The following ARMC1 variants were observed in gnomAD, a reference collection of about 807,000 sequenced individuals.
ARMC1 encodes the protein armadillo repeat containing 1, also known as armadillo repeat-containing protein 1.
ARMC1 carries 16 observed loss-of-function variants against 31.4 expected under a neutral mutation model. That is an observed-to-expected ratio of 0.51 (90% CI 0.34 to 0.77). ARMC1 has a LOEUF of 0.77. ARMC1 is among the 30% of genes least tolerant of loss of function. The probability of loss-of-function intolerance (pLI) is 0.01; values close to 1 mark genes in which losing one functional copy is unlikely to be tolerated. For missense variants in ARMC1, 259 were observed against 347.5 expected, an observed-to-expected ratio of 0.75 and a Z score of 2.02; for synonymous variants, 114 against 118.9, an observed-to-expected ratio of 0.96 and a Z score of 0.27.
intron 4 of ARMC1, among the ~76,000 whole-genome samples, chr8:65,609,508 A>C (rs1336519322): frequency 6.6e-6 from 1 of 152,134 alleles, no homozygotes; most frequent in African/African-American, 2.4e-5. Flanking sequence ...CAATATGCAT[A>C]TGGAAGGCTT....
chr8:65,622,407 G>T lies in ARMC1; in HGVS notation c.184-53C>A, dbSNP rs73690886. 2,061 of 1,380,894 alleles carry T rather than the reference G, an allele frequency of 1.5e-3. 16 individuals are homozygous for T. The African/African-American group carries it at 0.024, about 16-fold the overall frequency. 85.5% of individuals were successfully genotyped at this position (1,380,894 alleles called of 1,614,324 possible). A position where few individuals can be genotyped will look rare whatever the true frequency, so the allele number is the denominator to read the frequency against. ...TCGTCTGTCCAGACTATTCAAAATT[G>T]AAACTACTACTAATTTACTGCAAGA... On this transcript the variant is annotated intron_variant, in intron 2 of 6. Transcript: ENST00000276569.
Position 65,605,829 on chromosome 8 carries a change from C to T in ARMC1, c.466-291G>A, listed in dbSNP as rs191338897. 3.9e-5 allele frequency among the ~76,000 whole-genome samples: 6 copies of T among 152,154 alleles called. No homozygotes were observed. In the East Asian group the frequency reaches 1.2e-3, roughly 29 times the overall value. On this transcript the variant is annotated intron_variant, in intron 4 of 6. Coordinates refer to ENST00000276569, the MANE Select transcript of ARMC1 (RefSeq NM_018120.6). ...ATGTTAATTTACATCTTAAATAAAGCAGAACACAACACAGGGGGAAAAAAT... is the reference window on the plus strand; with the variant it reads ...ATGTTAATTTACATCTTAAATAAAGTAGAACACAACACAGGGGGAAAAAAT...
chr8:65,617,002 G>A (rs1455417263), intron 3 of ARMC1, among the ~76,000 whole-genome samples: 22 of 150,670 alleles, frequency 1.5e-4, no homozygotes, highest in Admixed American at 9.3e-4. Context: ...GGAGGGAGGC[G>A]GGGGGCAGCC....
chr8:65,613,553 T>C, intron 3 of ARMC1, 120 bp from the exon 4 acceptor site: 1 of 582,242 alleles, frequency 1.7e-6, no homozygotes, highest in Non-Finnish European at 2.9e-6. Context: ...TTAAAAGCAA[T>C]AGCAGTGAAT....
intron 3 of ARMC1, 22 bp downstream of exon 3, chr8:65,622,241 A>T: frequency 6.4e-7 from 1 of 1,556,780 alleles, no homozygotes. Context: ...TAAATAAATG[A>T]GACACTGTCT....
chr8:65,608,128 T>C (rs1419959765), intron 4 of ARMC1, among the ~76,000 whole-genome samples: 1 of 152,216 alleles, frequency 6.6e-6, no homozygotes, highest in African/African-American at 2.4e-5. Flanking sequence ...TATCAAATTA[T>C]TGACTTACTG....
chr8:65,631,486 G>A (rs1281954414), intron 1 of ARMC1, among the ~76,000 whole-genome samples: 1 of 152,102 alleles, frequency 6.6e-6, no homozygotes, highest in Non-Finnish European at 1.5e-5. Context: ...CACCCTCCTC[G>A]GCCTCCCAAA....
intron 4 of ARMC1, among the ~76,000 whole-genome samples, chr8:65,605,806 G>A (rs1156728422): frequency 1.3e-5 from 2 of 152,242 alleles, no homozygotes; most frequent in East Asian, 3.9e-4. Context: ...GTTAGCCAAT[G>A]TTAATTTACA....
chr8:65,617,923 G>C lies in ARMC1; in HGVS notation c.275+4340C>G, dbSNP rs6986509. ...ACTAATTAATCCTTTTTTCGGCGGG[G>C]GGGGAGGGAGCAGACAGAGTCTCAC... is the stretch of plus-strand genomic sequence containing the variant. On this transcript the variant is annotated intron_variant, in intron 3 of 6. Transcript: ENST00000276569. Among the ~76,000 whole-genome samples, 77 of 20,446 alleles carry C rather than the reference G, an allele frequency of 3.8e-3. No individual in the cohort carries two copies. The East Asian group carries it at 0.049, about 13-fold the overall frequency. 13.4% of individuals were successfully genotyped at this position (20,446 alleles called of 152,430 possible).
chr8:65,620,158 T>G (rs1808362015), intron 3 of ARMC1, among the ~76,000 whole-genome samples: 1 of 151,412 alleles, frequency 6.6e-6, no homozygotes, highest in South Asian at 2.1e-4. Context: ...AAGAAAAATT[T>G]TAGAGCAGCA....
At chr8:65,624,049 C>T (rs144417186) in intron 2 of ARMC1, among the ~76,000 whole-genome samples, 3,354 of 150,826 alleles carry the variant, frequency 0.022, 126 homozygotes, top group African/African-American at 0.077. Context: ...CCACCTGCCT[C>T]GGCCTCCCAA....
chr8:65,604,759 C>G (rs781685916), intron 6 of ARMC1, among the ~76,000 whole-genome samples, 174 bp from the exon 7 acceptor site: 2 of 152,154 alleles, frequency 1.3e-5, no homozygotes, highest in Non-Finnish European at 2.9e-5. Flanking sequence ...AGAAGTTGAT[C>G]TGCTGAAATT....
intron 4 of ARMC1, among the ~76,000 whole-genome samples, chr8:65,611,774 T>A (rs1282003566): frequency 6.6e-6 from 1 of 152,048 alleles, no homozygotes; most frequent in Non-Finnish European, 1.5e-5. Flanking sequence ...CTTTCACTTT[T>A]TTTTTCTTTT....
intron 3 of ARMC1, among the ~76,000 whole-genome samples, chr8:65,617,101 G>C (rs973487934): frequency 6.6e-6 from 1 of 152,092 alleles, no homozygotes; most frequent in Non-Finnish European, 1.5e-5. Context: ...TCTGCCCGGC[G>C]GCCACCCTGT....
intron 2 of ARMC1, among the ~76,000 whole-genome samples, chr8:65,624,972 T>C (rs529557516): frequency 6.6e-6 from 1 of 152,122 alleles, no homozygotes; most frequent in Non-Finnish European, 1.5e-5. Context: ...AATACAAAAA[T>C]TAGCCACATG....
chr8:65,616,020 G>T (rs959963083), intron 3 of ARMC1, among the ~76,000 whole-genome samples: 1 of 152,012 alleles, frequency 6.6e-6, no homozygotes, highest in Non-Finnish European at 1.5e-5. Flanking sequence ...TACATTTTTT[G>T]AAAACCTGGA....
intron 3 of ARMC1, among the ~76,000 whole-genome samples, chr8:65,613,980 G>A (rs1159197130): frequency 2.0e-5 from 3 of 149,068 alleles, no homozygotes; most frequent in Non-Finnish European, 3.0e-5. Flanking sequence ...AAAACCACAC[G>A]TTTAATAAAA....
Position 65,617,285 on chromosome 8 carries a change from T to C in ARMC1, c.276-3852A>G, listed in dbSNP as rs1456435167. Among the ~76,000 whole-genome samples the C allele has an allele frequency of 6.6e-5, 10 of 152,392 alleles. No individual in the cohort carries two copies. In the South Asian group the frequency reaches 2.1e-3, roughly 32 times the overall value. ...TTTTGTTCTATACTAAGAAAAATTCTTCTGCCTTGGGATGCTGTTGATCTA... is the reference window on the plus strand; with the variant it reads ...TTTTGTTCTATACTAAGAAAAATTCCTCTGCCTTGGGATGCTGTTGATCTA... On this transcript the variant is annotated intron_variant, in intron 3 of 6. Transcript: ENST00000276569.
chr8:65,612,039 G>A (rs1808153922), intron 4 of ARMC1, among the ~76,000 whole-genome samples: 1 of 151,826 alleles, frequency 6.6e-6, no homozygotes, highest in Non-Finnish European at 1.5e-5. Flanking sequence ...CAAAGTGCTG[G>A]GATTACAGGT....
Sources: gnomAD v4.1 joint callset for allele counts (sites outside exome capture counted in the v4.1 genomes callset) on GRCh38, gnomAD v4.1.1 for gene constraint, MANE v1.5 for transcripts, NCBI Gene and HGNC (gene_info 2026-07-23, HGNC 2026-07-21) for gene names.